The following DCAF8L2 variants were observed in gnomAD, a reference collection of about 807,000 sequenced individuals.
DCAF8L2 encodes the protein DDB1 and CUL4 associated factor 8 like 2, also known as DDB1- and CUL4-associated factor 8-like protein 2.
For synonymous variants in DCAF8L2, 200 were observed against 190.9 expected, an observed-to-expected ratio of 1.05 and a Z score of -0.39; for missense variants, 430 against 490.7, an observed-to-expected ratio of 0.88 and a Z score of 1.17.
chrX:27,667,294 G>A (rs1396931723), intron 2 of DCAF8L2, among the ~76,000 whole-genome samples: 1 of 111,883 alleles, frequency 8.9e-6, no homozygotes, highest in East Asian at 2.8e-4. Flanking sequence ...TTAAGAATAA[G>A]TAGAAACACA....
chrX:27,597,128 C>G (rs1203919407), intron 1 of DCAF8L2, among the ~76,000 whole-genome samples: 1 of 111,521 alleles, frequency 9.0e-6, no homozygotes. Flanking sequence ...TAAATATTAT[C>G]TAAGAGCTTA....
chrX:27,518,230 A>G, the DCAF8L2 span: 1 of 872,449 alleles, frequency 1.1e-6, no homozygotes, highest in Non-Finnish European at 1.7e-6. Context: ...TGGAGGTTAT[A>G]ATAAAGAGAT....
At chrX:27,718,974 A>G (rs1254446135) in intron 4 of DCAF8L2, among the ~76,000 whole-genome samples, 2 of 111,783 alleles carry the variant, frequency 1.8e-5, no homozygotes, top group African/African-American at 6.5e-5. Context: ...AGGCACGCAT[A>G]TACACCCACA....
the DCAF8L2 span, among the ~76,000 whole-genome samples, chrX:27,539,979 G>T: frequency 9.1e-6 from 1 of 109,972 alleles, no homozygotes; most frequent in Non-Finnish European, 1.9e-5. Context: ...TTTCATTTCA[G>T]TCCTTAAAAT....
chrX:27,637,033 T>A (rs1196467789), intron 2 of DCAF8L2, among the ~76,000 whole-genome samples: 2 of 111,815 alleles, frequency 1.8e-5, no homozygotes, highest in Non-Finnish European at 3.8e-5. Flanking sequence ...CTACTGAGAA[T>A]CTCAGTTTAA....
chrX:27,514,396 G>A, the DCAF8L2 span, among the ~76,000 whole-genome samples: 5 of 109,497 alleles, frequency 4.6e-5, no homozygotes, highest in South Asian at 7.9e-4. Context: ...TCGGCCGCGC[G>A]CGGTGGCTCA....
At chrX:27,657,395 A>G in intron 2 of DCAF8L2, among the ~76,000 whole-genome samples, 1 of 111,310 alleles carries the variant, frequency 9.0e-6, no homozygotes, top group East Asian at 2.8e-4. Flanking sequence ...TTATTTTACA[A>G]TCAAGAAATT....
chrX:27,634,961 C>T (rs1928437744), intron 2 of DCAF8L2, among the ~76,000 whole-genome samples: 1 of 106,799 alleles, frequency 9.4e-6, no homozygotes, highest in African/African-American at 3.5e-5. Flanking sequence ...TGTATATACA[C>T]ACACACACAC....
chrX:27,737,127 T>C (rs1921569156), intron 4 of DCAF8L2, among the ~76,000 whole-genome samples: 1 of 112,070 alleles, frequency 8.9e-6, no homozygotes, highest in Non-Finnish European at 1.9e-5. Flanking sequence ...GTTTCTCAGC[T>C]TTAACTTCTA....
At chrX:27,738,689 A>G (rs1433222965) in intron 4 of DCAF8L2, among the ~76,000 whole-genome samples, 2 of 111,884 alleles carry the variant, frequency 1.8e-5, no homozygotes, top group Non-Finnish European at 3.8e-5. Flanking sequence ...TTGTGTCATG[A>G]AACTACAAGT....
chrX:27,470,770 T>G, the DCAF8L2 span, among the ~76,000 whole-genome samples: 1 of 112,170 alleles, frequency 8.9e-6, no homozygotes, highest in African/African-American at 3.2e-5. Context: ...TTAGTACTCA[T>G]ACATATTGCA....
intron 3 of DCAF8L2, among the ~76,000 whole-genome samples, chrX:27,698,313 T>C (rs754420837): frequency 9.0e-6 from 1 of 111,612 alleles, no homozygotes; most frequent in African/African-American, 3.3e-5. Context: ...TTGATTTGTC[T>C]CCCAGCATAG....
At chrX:27,541,590 A>G in the DCAF8L2 span, among the ~76,000 whole-genome samples, 1 of 109,337 alleles carries the variant, frequency 9.1e-6, no homozygotes, top group African/African-American at 3.3e-5. Context: ...CTGGTCTTGA[A>G]CTTCCGACCT....
At chrX:27,497,490 C>T in the DCAF8L2 span, among the ~76,000 whole-genome samples, 2 of 84,839 alleles carry the variant, frequency 2.4e-5, no homozygotes, top group Non-Finnish European at 4.7e-5. Context: ...CCTTGGCAAA[C>T]ACCATTATTC....
the DCAF8L2 span, among the ~76,000 whole-genome samples, chrX:27,542,490 G>GTA: frequency 9.5e-6 from 1 of 105,288 alleles, no homozygotes; most frequent in Admixed American, 1.0e-4. Flanking sequence ...TTAGCCGCAG[G>GTA]TATATCTTCT....
the DCAF8L2 span, among the ~76,000 whole-genome samples, chrX:27,504,084 A>G: frequency 8.9e-6 from 1 of 112,082 alleles, no homozygotes; most frequent in Non-Finnish European, 1.9e-5. Context: ...TATTAATTAC[A>G]TTGTGTTGGG....
In DCAF8L2 at chrX:27,693,570, A is replaced by G. The variant is rs766052672; in HGVS notation, c.-143+15658A>G. Among the ~76,000 whole-genome samples, 82 of 111,441 alleles carry G rather than the reference A, an allele frequency of 7.4e-4. 1 individual carries two copies. Among genetic ancestry groups the G allele is most frequent in the African/African-American group, 2.5e-3 (78 of 30,709 alleles). On this transcript the variant is annotated intron_variant, in intron 3 of 4. Transcript: ENST00000451261. Reference sequence around the variant, plus strand: ...TCTATAATTTTATCATATTTTTAATAATTTCCTTTTTCAGATGTGTTTATG... The same window carrying G: ...TCTATAATTTTATCATATTTTTAATGATTTCCTTTTTCAGATGTGTTTATG...
At chrX:27,509,421 A>G in the DCAF8L2 span, among the ~76,000 whole-genome samples, 4 of 112,262 alleles carry the variant, frequency 3.6e-5, no homozygotes, top group African/African-American at 9.7e-5. Context: ...GAGCATAGCT[A>G]TTGTTGTAAA....
In DCAF8L2 at chrX:27,658,206, T is replaced by C. The variant is rs997479392; in HGVS notation, c.-219-19630T>C. On this transcript the variant is annotated intron_variant, in intron 2 of 4. Coordinates refer to ENST00000451261, the MANE Select transcript of DCAF8L2 (RefSeq NM_001353450.2). ...TTTTAAATTATTTTCATATTGTTCC[T>C]CATTGTTTAAAGTGTGCCTTAGTAA... Among the ~76,000 whole-genome samples the C allele has an allele frequency of 3.6e-5, 4 of 112,554 alleles. No homozygotes were observed. The East Asian group carries it at 1.1e-3, about 31-fold the overall frequency.
Sources: gnomAD v4.1 joint callset for allele counts (sites outside exome capture counted in the v4.1 genomes callset) on GRCh38, gnomAD v4.1.1 for gene constraint, MANE v1.5 for transcripts, NCBI Gene and HGNC (gene_info 2026-07-23, HGNC 2026-07-21) for gene names.